Variants in ADAMTSL1 observed in about 807,000 individuals in gnomAD.
ADAMTSL1 encodes ADAMTS-like protein 1.
A neutral mutation model predicts 201.8 loss-of-function variants in ADAMTSL1; 126 were observed. That is an observed-to-expected ratio of 0.62 (90% CI 0.54 to 0.72). The LOEUF is 0.72. Among genes scored for constraint, ADAMTSL1 ranks in the 30% least tolerant of loss-of-function variants. The pLI is 0.00. For missense variants in ADAMTSL1, 2,679 were observed against 2,277.8 expected (o/e 1.18, Z -3.59); for synonymous variants, 1,121 against 903.4 (o/e 1.24, Z -4.32).
At chr9:17,944,282 G>T (rs999081337) in intron 1 of ADAMTSL1, among the ~76,000 whole-genome samples, 1 of 152,038 alleles carries the variant, frequency 6.6e-6, no homozygotes, top group Non-Finnish European at 1.5e-5. Context: ...TCTTCAAGGA[G>T]AACTACAAAC....
At chr9:18,783,857 C>T (rs1470502845) in intron 19 of ADAMTSL1, among the ~76,000 whole-genome samples, 2 of 152,206 alleles carry the variant, frequency 1.3e-5, no homozygotes, top group Non-Finnish European at 2.9e-5. Flanking sequence ...TGTCCCTTTA[C>T]AGAGAAGTTT....
intron 2 of ADAMTSL1, among the ~76,000 whole-genome samples, chr9:18,189,470 A>T (rs1041944112): frequency 6.6e-6 from 1 of 152,176 alleles, no homozygotes; most frequent in Non-Finnish European, 1.5e-5. Context: ...ACAAATTCTT[A>T]TATCAGGCCA....
At chr9:18,181,406 C>A (rs1379122226) in intron 2 of ADAMTSL1, among the ~76,000 whole-genome samples, 1 of 152,114 alleles carries the variant, frequency 6.6e-6, no homozygotes, top group Non-Finnish European at 1.5e-5. Context: ...GGGGTAATAT[C>A]CAGAATCTAC....
intron 20 of ADAMTSL1, among the ~76,000 whole-genome samples, chr9:18,811,025 A>C (rs926431142): frequency 1.3e-5 from 2 of 149,972 alleles, no homozygotes; most frequent in African/African-American, 2.4e-5. Context: ...AAAAAAAAAA[A>C]AAAAAAAAAA....
chr9:18,657,725 T>C lies in ADAMTSL1; in HGVS notation c.921T>C (p.Phe307=), dbSNP rs767980152. The part of the protein sequence containing the change: ...IIHRWRETDF[F]PCSATCGGGY... ...ACCGATGGAGGGAGACGGATTTCTT[T>C]CCTTGCTCAGCAACCTGTGGAGGAG... is the stretch of plus-strand genomic sequence containing the variant. Residue 307 remains phenylalanine, a synonymous_variant, in exon 8 of 29, where the codon TTT becomes TTC. Transcript: ENST00000380548. The C allele has an allele frequency of 5.6e-6, 9 of 1,614,150 alleles. No individual in the cohort carries two copies. In the South Asian group the frequency reaches 8.8e-5, roughly 16 times the overall value.
chr9:18,514,415 C>T (rs1257064824), intron 2 of ADAMTSL1, among the ~76,000 whole-genome samples: 3 of 150,444 alleles, frequency 2.0e-5, no homozygotes, highest in African/African-American at 4.9e-5. Flanking sequence ...CTGCAAGCTC[C>T]GCCTCCGGGG....
intron 7 of ADAMTSL1, 61 bp from the exon 8 acceptor site, chr9:18,657,578 G>A: frequency 1.5e-6 from 2 of 1,305,328 alleles, no homozygotes; most frequent in East Asian, 2.3e-5. Context: ...GTTCGAAGCT[G>A]CAAGGGACCA....
chr9:18,157,226 A>T (rs553383863), intron 1 of ADAMTSL1, among the ~76,000 whole-genome samples: 1 of 152,038 alleles, frequency 6.6e-6, no homozygotes, highest in Non-Finnish European at 1.5e-5. Flanking sequence ...TCCTTTTGCT[A>T]GTTTTTCTTT....
intron 1 of ADAMTSL1, among the ~76,000 whole-genome samples, chr9:18,000,950 A>G (rs1295791860): frequency 1.3e-5 from 2 of 152,020 alleles, no homozygotes; most frequent in African/African-American, 4.8e-5. Flanking sequence ...TTGGGGCACT[A>G]TCCCATCCCT....
chr9:17,942,837 G>A (rs1283800395), intron 1 of ADAMTSL1, among the ~76,000 whole-genome samples: 2 of 152,190 alleles, frequency 1.3e-5, no homozygotes, highest in South Asian at 2.1e-4. Context: ...TTTACCAACT[G>A]GTATGGGAAT....
chr9:18,590,091 A>G (rs975541107), intron 4 of ADAMTSL1, among the ~76,000 whole-genome samples: 4 of 151,816 alleles, frequency 2.6e-5, no homozygotes, highest in Non-Finnish European at 5.9e-5. Flanking sequence ...GATAAGTTTG[A>G]AAGTTTTCTC....
intron 4 of ADAMTSL1, among the ~76,000 whole-genome samples, chr9:18,598,266 A>G (rs1824398221): frequency 6.6e-6 from 1 of 152,140 alleles, no homozygotes; most frequent in Admixed American, 6.5e-5. Flanking sequence ...ATAAAATATG[A>G]CCAGCATCAG....
At chr9:18,305,249 G>T (rs1343895229) in intron 2 of ADAMTSL1, among the ~76,000 whole-genome samples, 1 of 152,202 alleles carries the variant, frequency 6.6e-6, no homozygotes, top group African/African-American at 2.4e-5. Flanking sequence ...CGCCACCAGG[G>T]TCCTGGGTTT....
Position 18,708,098 on chromosome 9 carries a change from T to C in ADAMTSL1, c.1876+1050T>C, listed in dbSNP as rs1028577953. Among the ~76,000 whole-genome samples the C allele has an allele frequency of 9.2e-5, 14 of 152,356 alleles. No individual in the cohort carries two copies. The East Asian group carries it at 2.3e-3, about 25-fold the overall frequency. On this transcript the variant is annotated intron_variant, in intron 14 of 28. Coordinates refer to ENST00000380548, the MANE Select transcript of ADAMTSL1 (RefSeq NM_001040272.6). ...ATTCTGTTTTCTCAGCAAAGATTCT[T>C]AATAACCGGTGGAAAAAAGCACTAA...
intron 20 of ADAMTSL1, among the ~76,000 whole-genome samples, chr9:18,809,152 T>G (rs1373813213): frequency 1.3e-5 from 2 of 152,158 alleles, no homozygotes; most frequent in Non-Finnish European, 2.9e-5. Context: ...TAAATTCTGT[T>G]AGTTCTAGTG....
At chr9:18,320,133 C>G (rs1411459127) in intron 2 of ADAMTSL1, among the ~76,000 whole-genome samples, 1 of 151,972 alleles carries the variant, frequency 6.6e-6, no homozygotes, top group African/African-American at 2.4e-5. Flanking sequence ...TCTGGATGAA[C>G]AAGAAAACAG....
At chr9:18,406,703 T>G (rs1475444127) in intron 2 of ADAMTSL1, among the ~76,000 whole-genome samples, 1 of 152,184 alleles carries the variant, frequency 6.6e-6, no homozygotes, top group Non-Finnish European at 1.5e-5. Context: ...GTAATCTTTA[T>G]TATTTAGATA....
At chr9:18,602,769 G>A (rs1157171858) in intron 4 of ADAMTSL1, among the ~76,000 whole-genome samples, 1 of 152,134 alleles carries the variant, frequency 6.6e-6, no homozygotes, top group Non-Finnish European at 1.5e-5. Flanking sequence ...GGTAATCTAT[G>A]ATATCTAGTC....
intron 1 of ADAMTSL1, among the ~76,000 whole-genome samples, chr9:18,092,511 C>G (rs1356436219): frequency 6.6e-6 from 1 of 152,200 alleles, no homozygotes; most frequent in Non-Finnish European, 1.5e-5. Context: ...GTCCATACCA[C>G]TATTTCTTTT....
Sources: gnomAD v4.1 joint callset for allele counts (sites outside exome capture counted in the v4.1 genomes callset) on GRCh38, gnomAD v4.1.1 for gene constraint, MANE v1.5 for transcripts, NCBI Gene and HGNC (gene_info 2026-07-23, HGNC 2026-07-21) for gene names.